The following MYO3B variants were observed in gnomAD, a reference collection of about 807,000 sequenced individuals.
The protein encoded by MYO3B is myosin-IIIb.
MYO3B carries 156 observed loss-of-function variants against 174.6 expected under a neutral mutation model. The observed-to-expected ratio is 0.89, with a 90% CI of 0.78 to 1.02. The LOEUF (loss-of-function observed/expected upper bound fraction) is 1.02. Ranked by LOEUF, MYO3B falls within the 50% of genes least tolerant of loss-of-function variation. The probability of loss-of-function intolerance (pLI) is 0.00; values close to 1 mark genes in which losing one functional copy is unlikely to be tolerated. For missense variants in MYO3B, 1,632 were observed against 1,639.4 expected, an observed-to-expected ratio of 1.00 and a Z score of 0.08; for synonymous variants, 563 against 569.1, an observed-to-expected ratio of 0.99 and a Z score of 0.15.
In MYO3B at chr2:170,599,425, G is replaced by A. The variant is rs1339366039; in HGVS notation, c.3734-52203G>A. 3.3e-5 allele frequency among the ~76,000 whole-genome samples: 5 copies of A among 152,304 alleles called. No homozygotes were observed. In the East Asian group the frequency reaches 9.6e-4, roughly 29 times the overall value. On this transcript the variant is annotated intron_variant, in intron 32 of 34. Transcript: ENST00000408978. ...CAGTAATCTGTTGTCAAATATAGCT[G>A]TTACAAGTATTTTCTTTCTATTTAT...
chr2:170,246,276 G>A (rs2093188235), intron 7 of MYO3B, among the ~76,000 whole-genome samples: 1 of 152,196 alleles, frequency 6.6e-6, no homozygotes, highest in Non-Finnish European at 1.5e-5. Flanking sequence ...CAATGGAAGT[G>A]TGTTGCACAT....
intron 1 of MYO3B, among the ~76,000 whole-genome samples, chr2:170,192,813 G>C (rs1390109286): frequency 6.6e-6 from 1 of 151,476 alleles, no homozygotes; most frequent in Non-Finnish European, 1.5e-5. Context: ...AGACCTAAAA[G>C]AGTTTTAATA....
chr2:170,409,649 A>G (rs2094533206), intron 22 of MYO3B, among the ~76,000 whole-genome samples: 1 of 152,272 alleles, frequency 6.6e-6, no homozygotes, highest in Non-Finnish European at 1.5e-5. Context: ...TCAATCAACA[A>G]ACATTTAAAG....
chr2:170,374,758 TACACAC>T (rs201921789), intron 9 of MYO3B, among the ~76,000 whole-genome samples: 54,128 of 139,848 alleles, frequency 0.39, 10,511 homozygotes, highest in Middle Eastern at 0.49. Flanking sequence ...TATGCATACA[TACACAC>T]ACACACACAC....
chr2:170,209,385 G>A (rs1285357578), intron 3 of MYO3B, among the ~76,000 whole-genome samples: 1 of 152,102 alleles, frequency 6.6e-6, no homozygotes, highest in Non-Finnish European at 1.5e-5. Context: ...CAAAACAAGG[G>A]TCAGCAATAT....
At chr2:170,541,946 A>G (rs1451348325) in intron 30 of MYO3B, among the ~76,000 whole-genome samples, 1 of 152,244 alleles carries the variant, frequency 6.6e-6, no homozygotes, top group African/African-American at 2.4e-5. Context: ...ACAAATAAAT[A>G]TACGGAAATG....
intron 22 of MYO3B, among the ~76,000 whole-genome samples, chr2:170,419,789 GAGA>G (rs2094603622): frequency 6.6e-6 from 1 of 152,166 alleles, no homozygotes; most frequent in Non-Finnish European, 1.5e-5. Flanking sequence ...GGTGAGCGGA[GAGA>G]AGAACCCTCC....
chr2:170,585,828 G>A (rs907718632), intron 32 of MYO3B, among the ~76,000 whole-genome samples: 6 of 152,150 alleles, frequency 3.9e-5, no homozygotes, highest in Non-Finnish European at 8.8e-5. Context: ...GAGGCGGGTG[G>A]ATCACTTGAG....
chr2:170,513,030 T>C (rs1688079584), intron 28 of MYO3B, among the ~76,000 whole-genome samples: 1 of 152,226 alleles, frequency 6.6e-6, no homozygotes, highest in Admixed American at 6.5e-5. Flanking sequence ...AATCCATATG[T>C]ATGATAATGT....
At chr2:170,648,910 T>TATATATAATATATATAAAATATG (rs1559200367) in intron 32 of MYO3B, among the ~76,000 whole-genome samples, 9 of 71,018 alleles carry the variant, frequency 1.3e-4, no homozygotes, top group East Asian at 9.6e-4. Context: ...GTATATAAAA[T>TATATATAATATATATAAAATATG]ATATATAATA....
At chr2:170,292,636 C>T (rs541385852) in intron 7 of MYO3B, among the ~76,000 whole-genome samples, 5 of 152,128 alleles carry the variant, frequency 3.3e-5, no homozygotes, top group East Asian at 1.9e-4. Context: ...AGCCCAGGTC[C>T]GCGTTAGCTC....
chr2:170,545,958 G>A (rs1327873844), intron 32 of MYO3B, among the ~76,000 whole-genome samples: 1 of 152,062 alleles, frequency 6.6e-6, no homozygotes, highest in Non-Finnish European at 1.5e-5. Context: ...GACCTTCAAG[G>A]CTTTCTCTGT....
chr2:170,332,361 G>A (rs1483447792), intron 7 of MYO3B: 1 of 152,110 alleles, frequency 6.6e-6, no homozygotes. Context: ...AATGGGAAGA[G>A]AATAGGGAGA....
intron 32 of MYO3B, among the ~76,000 whole-genome samples, chr2:170,546,537 G>T (rs1219551673): frequency 6.6e-6 from 1 of 152,172 alleles, no homozygotes; most frequent in Non-Finnish European, 1.5e-5. Flanking sequence ...TCATTTTGTT[G>T]CTATTGCTGT....
chr2:170,222,856 T>C (rs919706690), intron 6 of MYO3B, among the ~76,000 whole-genome samples: 3 of 152,166 alleles, frequency 2.0e-5, no homozygotes, highest in Non-Finnish European at 4.4e-5. Context: ...GTTTCCAAGG[T>C]AATTAGTCAA....
rs767298458 is a variant in MYO3B, at chr2:170,402,907, A to G, written c.2189A>G (p.Gln730Arg). ...GATATCTTTGGATTCGAGAATTTTC[A>G]GAGAAATTCATTTGAGCAGCTCTGC... ...ILDIFGFENF[Q>R]RNSFEQLCIN... The change falls in exon 19 of 35, where the codon CAG becomes CGG. Residue 730 changes from glutamine to arginine, a missense_variant. Coordinates refer to ENST00000408978, the MANE Select transcript of MYO3B (RefSeq NM_138995.5). 1.8e-5 allele frequency: 29 copies of G among 1,612,184 alleles called. No individual in the cohort carries two copies. Among genetic ancestry groups the G allele is most frequent in the Non-Finnish European group, 2.0e-5 (24 of 1,178,608 alleles).
chr2:170,296,290 T>G (rs1320677100), intron 7 of MYO3B, among the ~76,000 whole-genome samples: 4 of 152,198 alleles, frequency 2.6e-5, no homozygotes, highest in Non-Finnish European at 4.4e-5. Context: ...ACAAGAAGCT[T>G]ATCCAATGTG....
chr2:170,613,378 A>C (rs1252249356), intron 32 of MYO3B, among the ~76,000 whole-genome samples: 4 of 152,146 alleles, frequency 2.6e-5, no homozygotes, highest in Admixed American at 2.0e-4. Context: ...TCTGACGCAC[A>C]CCTCAGTCCT....
intron 32 of MYO3B, among the ~76,000 whole-genome samples, chr2:170,568,213 G>A (rs1360731965): frequency 6.6e-6 from 1 of 152,242 alleles, no homozygotes; most frequent in Non-Finnish European, 1.5e-5. Context: ...ATAAGAAGGG[G>A]TATGTAAAGT....
Sources: allele counts gnomAD v4.1 joint callset (sites outside exome capture counted in the v4.1 genomes callset), GRCh38; gene constraint gnomAD v4.1.1; transcripts MANE v1.5; gene names NCBI Gene and HGNC (gene_info 2026-07-23, HGNC 2026-07-21).